Variants in COPA observed in about 807,000 individuals in gnomAD.
COPA encodes coatomer subunit alpha.
In COPA, 10 loss-of-function variants were observed where a neutral mutation model predicts 158.7. That is an observed-to-expected ratio of 0.06 (90% CI 0.04 to 0.11). The LOEUF is 0.11. Ranked by LOEUF, COPA falls within the 10% of genes least tolerant of loss-of-function variation. COPA has a pLI of 1.00. For missense variants in COPA, 1,065 were observed against 1,536.7 expected, an observed-to-expected ratio of 0.69 and a Z score of 5.13; for synonymous variants, 462 against 542.8, an observed-to-expected ratio of 0.85 and a Z score of 2.07.
At chr1:160,310,411 C>A (rs1658926143) in intron 11 of COPA, 153 bp from the exon 12 acceptor site, 2 of 446,494 alleles carry the variant, frequency 4.5e-6, no homozygotes, top group South Asian at 5.3e-5. Flanking sequence ...ATATTGTATT[C>A]TCTTCCTTTA....
At position 160,323,407 on chromosome 1, in the gene COPA, C is replaced by T. The variant is rs371100230; in HGVS notation, c.706+24G>A. The T allele has an allele frequency of 3.6e-5, 56 of 1,567,916 alleles. No individual in the cohort carries two copies. The South Asian group carries it at 3.9e-4, about 11-fold the overall frequency. Reference sequence around the variant, plus strand: ...CTGGCTGGCAGTTTCTTAGATATGGCGATAATGTAACCGGTTCACTCACCA... The same window carrying T: ...CTGGCTGGCAGTTTCTTAGATATGGTGATAATGTAACCGGTTCACTCACCA... On this transcript the variant is annotated intron_variant, in intron 8 of 32. Coordinates refer to ENST00000241704, the MANE Select transcript of COPA (RefSeq NM_004371.4).
At chr1:160,339,130 CTTATTTCTCCTTATTGGCCATCTCAT>C (rs1224364393) in intron 3 of COPA, among the ~76,000 whole-genome samples, 1 of 143,748 alleles carries the variant, frequency 7.0e-6, no homozygotes, top group Non-Finnish European at 1.5e-5. Flanking sequence ...CTTATTGGCC[CTTATTTCTCCTTATTGGCCATCTCAT>C]TTATTTCTCC....
At chr1:160,302,897 G>A (rs1304054151) in intron 17 of COPA, among the ~76,000 whole-genome samples, 3 of 152,196 alleles carry the variant, frequency 2.0e-5, no homozygotes, top group Non-Finnish European at 4.4e-5. Flanking sequence ...GAAGGGCCGG[G>A]CATGGTGGCT....
intron 31 of COPA, among the ~76,000 whole-genome samples, chr1:160,290,959 G>A (rs1259661695): frequency 6.6e-6 from 1 of 152,180 alleles, no homozygotes; most frequent in Non-Finnish European, 1.5e-5. Flanking sequence ...GTCCTAGAAA[G>A]GGTTAAAACA....
intron 17 of COPA, among the ~76,000 whole-genome samples, chr1:160,300,106 G>T (rs1658547760): frequency 6.6e-6 from 1 of 151,998 alleles, no homozygotes; most frequent in Admixed American, 6.6e-5. Context: ...TTGGGAGGCC[G>T]AGGCGGGTAG....
At chr1:160,337,646 G>A (rs951416306) in intron 3 of COPA, among the ~76,000 whole-genome samples, 8 of 152,006 alleles carry the variant, frequency 5.3e-5, no homozygotes, top group African/African-American at 1.9e-4. Flanking sequence ...TTGAACCCGG[G>A]AGGTGGAGGC....
intron 4 of COPA, among the ~76,000 whole-genome samples, chr1:160,334,481 T>C (rs1259713268): frequency 6.6e-6 from 1 of 152,216 alleles, no homozygotes; most frequent in East Asian, 1.9e-4. Context: ...TATTGAGTGG[T>C]TATCATTCTC....
At position 160,309,130 on chromosome 1, in the gene COPA, G is replaced by C; in HGVS notation, c.1190C>G (p.Pro397Arg). ...AGGATTCTGGGAGTCAGCATCTTTA[G>C]GGATGGTGTACAGGTCATAGGTACT... ...ENSTYDLYTI[P>R]KDADSQNPDA... Residue 397 changes from proline to arginine, a missense_variant, in exon 13 of 33, where the codon CCT (proline) becomes CGT (arginine). Physicochemically the swap from Pro to Arg is moderately radical, Grantham distance 103. Coordinates refer to ENST00000241704, the MANE Select transcript of COPA (RefSeq NM_004371.4). 1 of 1,613,774 alleles carries C rather than the reference G, an allele frequency of 6.2e-7. No individual in the cohort carries two copies. Among genetic ancestry groups the C allele is most frequent in the Non-Finnish European group, 8.5e-7 (1 of 1,179,714 alleles).
chr1:160,305,500 C>T lies in COPA; in HGVS notation c.1600G>A (p.Ala534Thr), dbSNP rs1263561347. The change falls in exon 17 of 33, where the codon GCC (alanine) becomes ACC (threonine). Residue 534 changes from alanine to threonine, a missense_variant. Ala to Thr is a moderately conservative substitution (Grantham distance 58). Transcript: ENST00000241704. Reference sequence around the variant, plus strand: ...ATAAATACCCCACTCTCATCCCAGGCCCCACTCTTGACACGAATGTTCTCA... The same window carrying T: ...ATAAATACCCCACTCTCATCCCAGGTCCCACTCTTGACACGAATGTTCTCA... Reference protein sequence around the residue: ...IHENIRVKSGAWDESGVFIYT... With the variant: ...IHENIRVKSGTWDESGVFIYT... 2 of 1,614,166 alleles carry T rather than the reference C, an allele frequency of 1.2e-6. No individual in the cohort carries two copies. The highest frequency in any genetic ancestry group is 1.1e-5 in the South Asian group (1 of 91,086).
intron 23 of COPA, 148 bp downstream of exon 23, chr1:160,295,588 A>C (rs1212013374): frequency 9.3e-6 from 8 of 861,000 alleles, no homozygotes. Flanking sequence ...AGTTTTTAAG[A>C]CTGCACCATA....
chr1:160,291,992 C>T lies in COPA; in HGVS notation c.3147+20G>A, dbSNP rs1658252734. The T allele has an allele frequency of 2.7e-5, 43 of 1,614,018 alleles. No individual in the cohort carries two copies. In the East Asian group the frequency reaches 9.1e-4, roughly 34 times the overall value. On this transcript the variant is annotated intron_variant, in intron 29 of 32. Coordinates refer to ENST00000241704, the MANE Select transcript of COPA (RefSeq NM_004371.4). ...AATGTGGAAGTGCCCAGAACTGGGA[C>T]AGCGGCTAGACCCTCCTACCTCTGC...
intron 25 of COPA, among the ~76,000 whole-genome samples, 186 bp from the exon 26 acceptor site, chr1:160,293,649 C>T (rs1455792843): frequency 6.6e-6 from 1 of 152,024 alleles, no homozygotes; most frequent in Non-Finnish European, 1.5e-5. Flanking sequence ...CATGAGTCAC[C>T]ACACCTGGCT....
rs967181314 is a variant in COPA, at chr1:160,294,380, GGGATA to G, written c.2676+99_2676+103del. 22 of 936,238 alleles carry G rather than the reference GGGATA, an allele frequency of 2.3e-5. No individual in the cohort carries two copies. The African/African-American group carries it at 3.6e-4, about 15-fold the overall frequency. The allele number at this position is 936,238 out of a possible 1,614,324, so 58.0% of individuals were successfully genotyped here. ...AGGGCTGACCTTAGGATAGTGGTAG[GGGATA>G]GGATAGGAGACCTGAGGATAGTGGT... On this transcript the variant is annotated intron_variant, in intron 25 of 32. Transcript: ENST00000241704.
intron 25 of COPA, among the ~76,000 whole-genome samples, chr1:160,293,789 C>A (rs56331725): frequency 0.014 from 2,119 of 152,146 alleles, 47 homozygotes; most frequent in African/African-American, 0.042. Flanking sequence ...AGCCACTGTG[C>A]CCAGCCAAAT....
chr1:160,309,260 G>T, intron 12 of COPA, 84 bp from the exon 13 acceptor site: 1 of 1,003,094 alleles, frequency 1.0e-6, no homozygotes, highest in Non-Finnish European at 1.6e-6. Context: ...AGAGAAAACA[G>T]TTCCATTGCA....
intron 27 of COPA, 68 bp from the exon 28 acceptor site, chr1:160,292,688 G>T: frequency 7.5e-7 from 1 of 1,330,012 alleles, no homozygotes; most frequent in Non-Finnish European, 1.0e-6. Flanking sequence ...CCTTGGGCAA[G>T]GTAATTAATT....
chr1:160,296,047 A>G lies in COPA; in HGVS notation c.2352+14T>C. On this transcript the variant is annotated intron_variant, in intron 22 of 32. Transcript: ENST00000241704. ...ATCCTGTAATAAGAGACAATTATGT[A>G]AATAAAGACTCACTGTCTCCTTCTC... The G allele has an allele frequency of 6.2e-7, 1 of 1,609,756 alleles. No individual in the cohort carries two copies. The highest frequency in any genetic ancestry group is 8.5e-7 in the Non-Finnish European group (1 of 1,176,056).
chr1:160,328,995 A>T (rs1230474974), intron 6 of COPA, among the ~76,000 whole-genome samples: 1 of 152,234 alleles, frequency 6.6e-6, no homozygotes, highest in Non-Finnish European at 1.5e-5. Context: ...TCATACTCTC[A>T]TTCAGAACTA....
chr1:160,330,485 T>A (rs147342214), intron 6 of COPA, among the ~76,000 whole-genome samples: 128 of 152,382 alleles, frequency 8.4e-4, no homozygotes, highest in Non-Finnish European at 1.5e-3. Context: ...TCCCTTTCAT[T>A]CTATGCCTTT....
Sources: gnomAD v4.1 joint callset for allele counts (sites outside exome capture counted in the v4.1 genomes callset) on GRCh38, gnomAD v4.1.1 for gene constraint, MANE v1.5 for transcripts, NCBI Gene and HGNC (gene_info 2026-07-23, HGNC 2026-07-21) for gene names.